The following ESRRB variants were observed in gnomAD, a reference collection of about 807,000 sequenced individuals.
ESRRB encodes the protein steroid hormone receptor ERR2.
ESRRB carries 16 observed loss-of-function variants against 46.0 expected under a neutral mutation model. The observed-to-expected ratio is 0.35, with a 90% CI of 0.24 to 0.53. The LOEUF (loss-of-function observed/expected upper bound fraction) is 0.53, where lower values mean the gene tolerates loss of function less well. Ranked by LOEUF, ESRRB falls within the 20% of genes least tolerant of loss-of-function variation. ESRRB has a pLI of 0.93. For missense variants in ESRRB, 488 were observed against 607.4 expected (o/e 0.80, Z 2.07); for synonymous variants, 246 against 259.6 (o/e 0.95, Z 0.50).
chr14:76,465,334 C>T lies in ESRRB; in HGVS notation c.577+2673C>T, dbSNP rs138431207. Among the ~76,000 whole-genome samples the T allele has an allele frequency of 2.5e-3, 385 of 152,278 alleles. 4 individuals carry two copies. The highest frequency in any genetic ancestry group is 4.7e-3 in the Non-Finnish European group (320 of 68,014). On this transcript the variant is annotated intron_variant, in intron 3 of 6. Transcript: ENST00000644823. ...ACTCAATTCCTGGACCATCTTGTAA[C>T]ACTGAGCAGAGTCTCTTTAGGGGCT...
chr14:76,457,824 C>T (rs533423303), intron 2 of ESRRB, among the ~76,000 whole-genome samples: 1 of 152,256 alleles, frequency 6.6e-6, no homozygotes, highest in Admixed American at 6.5e-5. Flanking sequence ...AGATGCCCAC[C>T]ACCATGCCTG....
chr14:76,428,228 C>T (rs1025601212), intron 1 of ESRRB, among the ~76,000 whole-genome samples: 2 of 152,092 alleles, frequency 1.3e-5, no homozygotes, highest in Non-Finnish European at 2.9e-5. Flanking sequence ...GAACTCCCGA[C>T]CTCAGGTGAT....
Position 76,447,072 on chromosome 14 carries a change from C to T in ESRRB, c.460+7322C>T, listed in dbSNP as rs775333617. Among the ~76,000 whole-genome samples the T allele has an allele frequency of 3.3e-5, 5 of 152,108 alleles. No individual in the cohort carries two copies. In the East Asian group the frequency reaches 5.8e-4, roughly 18 times the overall value. On this transcript the variant is annotated intron_variant, in intron 2 of 6. Coordinates refer to ENST00000644823, the MANE Select transcript of ESRRB (RefSeq NM_001379180.1). The stretch of plus-strand genomic sequence containing the variant: ...TCTCTTCCATGTTCGCAGCTGCTTC[C>T]GTTCACTGATTCCGCAGCTATTTCT...
At chr14:76,414,683 A>AACAAAC (rs1566885330) in intron 1 of ESRRB, among the ~76,000 whole-genome samples, 111 of 142,560 alleles carry the variant, frequency 7.8e-4, no homozygotes, top group African/African-American at 2.9e-3. Context: ...AAAAAAAAAA[A>AACAAAC]AAAAAAAAAA....
chr14:76,316,942 T>C (rs554067329), intron 1 of ESRRB, among the ~76,000 whole-genome samples: 4 of 152,308 alleles, frequency 2.6e-5, no homozygotes, highest in African/African-American at 9.6e-5. Context: ...TTCCTCTAGC[T>C]GTTCAAACTC....
At chr14:76,467,319 G>C (rs962671048) in intron 3 of ESRRB, among the ~76,000 whole-genome samples, 3 of 151,614 alleles carry the variant, frequency 2.0e-5, no homozygotes, top group Admixed American at 2.0e-4. Context: ...TGGCCAACAT[G>C]GTAAAATGCC....
At chr14:76,404,257 A>G (rs6574293) in intron 1 of ESRRB, 135,321 of 151,940 alleles carry the variant, frequency 0.89, 60,452 homozygotes, top group Middle Eastern at 0.98. Context: ...GTGCCCACAA[A>G]CAGTGTGTCT....
chr14:76,463,608 G>A (rs934326695), intron 3 of ESRRB, among the ~76,000 whole-genome samples: 17 of 151,646 alleles, frequency 1.1e-4, no homozygotes, highest in Middle Eastern at 3.4e-3. Flanking sequence ...CACCTCGCCC[G>A]GCTAATTTTT....
At chr14:76,466,795 C>G (rs1889131290) in intron 3 of ESRRB, among the ~76,000 whole-genome samples, 1 of 151,872 alleles carries the variant, frequency 6.6e-6, no homozygotes, top group South Asian at 2.1e-4. Context: ...GCGATCTAGG[C>G]TCACCACACC....
chr14:76,422,711 GTATGTC>G (rs1380662795), intron 1 of ESRRB, among the ~76,000 whole-genome samples: 4 of 152,182 alleles, frequency 2.6e-5, no homozygotes, highest in Admixed American at 2.0e-4. Flanking sequence ...TGTGAGGTAC[GTATGTC>G]TATATTACCC....
intron 2 of ESRRB, among the ~76,000 whole-genome samples, chr14:76,446,166 G>A (rs1249048640): frequency 1.3e-5 from 2 of 152,170 alleles, no homozygotes; most frequent in Non-Finnish European, 2.9e-5. Context: ...CTGCTTGAGC[G>A]TTACAACAGC....
At chr14:76,369,408 G>A (rs11626382), upstream of ESRRB, among the ~76,000 whole-genome samples, 29,656 of 150,954 alleles carry the variant, frequency 0.2, 3,627 homozygotes, top group Non-Finnish European at 0.28. Flanking sequence ...CGAGTAGCTG[G>A]GACTACAGGC....
rs767943437 is a variant in ESRRB, at chr14:76,500,095, C to T, written c.*1637C>T. 4 of 1,535,736 alleles carry T rather than the reference C, an allele frequency of 2.6e-6. No homozygotes were observed. The African/African-American group carries it at 4.1e-5, about 16-fold the overall frequency. Reference sequence around the variant, plus strand: ...ACTTTCTGCAGCTTTTCCATAGAAGCCCTGGTCCCACCTCCTTGGCTCTAC... The same window carrying T: ...ACTTTCTGCAGCTTTTCCATAGAAGTCCTGGTCCCACCTCCTTGGCTCTAC... On this transcript the variant is annotated 3_prime_UTR_variant, in exon 7 of 7. Coordinates refer to ENST00000644823, the MANE Select transcript of ESRRB (RefSeq NM_001379180.1).
intron 2 of ESRRB, among the ~76,000 whole-genome samples, chr14:76,443,447 A>C (rs1888002368): frequency 6.6e-6 from 1 of 152,032 alleles, no homozygotes; most frequent in Non-Finnish European, 1.5e-5. Flanking sequence ...GCCTCAGCCA[A>C]GAATGAGAAC....
intron 1 of ESRRB, among the ~76,000 whole-genome samples, chr14:76,403,089 C>A (rs1886012265): frequency 6.6e-6 from 1 of 152,214 alleles, no homozygotes. Context: ...CCACACCCAG[C>A]CAGAATTTGT....
chr14:76,376,581 C>T lies in ESRRB; in HGVS notation c.50+130C>T, dbSNP rs1884775628. 7 of 581,786 alleles carry T rather than the reference C, an allele frequency of 1.2e-5. No individual in the cohort carries two copies. In the South Asian group the frequency reaches 2.7e-4, roughly 22 times the overall value. The allele number at this position is 581,786 out of a possible 1,614,324, so 36.0% of individuals were successfully genotyped here. A position where few individuals can be genotyped will look rare whatever the true frequency, so the allele number is the denominator to read the frequency against. On this transcript the variant is annotated intron_variant, in intron 1 of 6. Transcript: ENST00000644823. This position sits in a 1 kb window ranked among gnomAD's most constrained non-coding sequence, Gnocchi z 4.1. Reference sequence around the variant, plus strand: ...GGACTTCGGGGGGGCACTTGGGGGACGAAGGAGGGGAAAAGCCGCACACTT... The same window carrying T: ...GGACTTCGGGGGGGCACTTGGGGGATGAAGGAGGGGAAAAGCCGCACACTT...
intron 1 of ESRRB, among the ~76,000 whole-genome samples, chr14:76,390,353 G>A (rs1566872121): frequency 6.6e-6 from 1 of 152,172 alleles, no homozygotes; most frequent in Non-Finnish European, 1.5e-5. Context: ...GCCAGGCGTG[G>A]TGGTGGGCAC....
chr14:76,458,493 C>A (rs1402146211), intron 2 of ESRRB, among the ~76,000 whole-genome samples: 2 of 150,986 alleles, frequency 1.3e-5, no homozygotes, highest in Non-Finnish European at 2.9e-5. Context: ...TGCATGCAGG[C>A]CAACCCCTAA....
intron 1 of ESRRB, among the ~76,000 whole-genome samples, chr14:76,343,818 A>G (rs1340861262): frequency 2.0e-5 from 3 of 152,264 alleles, no homozygotes; most frequent in Non-Finnish European, 4.4e-5. Flanking sequence ...AGGGGACAGA[A>G]ATAAAATCAT....
Sources: allele counts gnomAD v4.1 joint callset (sites outside exome capture counted in the v4.1 genomes callset), GRCh38; gene constraint gnomAD v4.1.1; non-coding constraint Gnocchi (gnomAD v3.1); transcripts MANE v1.5; gene names NCBI Gene and HGNC (gene_info 2026-07-23, HGNC 2026-07-21).